ATRNL1: variants seen among roughly 807,000 people sequenced by gnomAD.
The protein encoded by ATRNL1 is attractin like 1, also known as attractin-like protein 1.
Under a neutral mutation model 182.7 loss-of-function variants are expected in ATRNL1, and 95 were observed. That is an observed-to-expected ratio of 0.52 (90% CI 0.44 to 0.62). ATRNL1 has a LOEUF of 0.62. ATRNL1 is among the 20% of genes least tolerant of loss of function. ATRNL1 has a pLI of 0.00. For synonymous variants in ATRNL1, 576 were observed against 568.3 expected, an observed-to-expected ratio of 1.01 and a Z score of -0.19; for missense variants, 1,471 against 1,679.5, an observed-to-expected ratio of 0.88 and a Z score of 2.17.
chr10:115,590,552 G>T (rs75523949), intron 26 of ATRNL1, among the ~76,000 whole-genome samples: 1 of 152,040 alleles, frequency 6.6e-6, no homozygotes, highest in Admixed American at 6.6e-5. Flanking sequence ...GAATATTAAT[G>T]AATATTAATA....
intron 10 of ATRNL1, among the ~76,000 whole-genome samples, chr10:115,243,907 CA>C (rs1850522658): frequency 6.6e-6 from 1 of 151,984 alleles, no homozygotes; most frequent in African/African-American, 2.4e-5. Flanking sequence ...AGGTAGTTCT[CA>C]AAAATGTTCT....
At chr10:115,344,615 G>T (rs544437790) in intron 19 of ATRNL1, among the ~76,000 whole-genome samples, 1 of 152,192 alleles carries the variant, frequency 6.6e-6, no homozygotes, top group Admixed American at 6.5e-5. Flanking sequence ...CCCACTTGGT[G>T]CTCCATCCAC....
chr10:115,270,325 TATTTG>T, intron 13 of ATRNL1, among the ~76,000 whole-genome samples: 1 of 103,642 alleles, frequency 9.6e-6, no homozygotes, highest in South Asian at 2.8e-4. Flanking sequence ...TATATAAATA[TATTTG>T]TTTATATATT....
chr10:115,669,747 G>A (rs949665449), intron 26 of ATRNL1, among the ~76,000 whole-genome samples: 23 of 152,074 alleles, frequency 1.5e-4, no homozygotes, highest in African/African-American at 5.6e-4. Flanking sequence ...CTAGTAGGGA[G>A]ATTTTGATTA....
chr10:115,944,556 T>C lies in ATRNL1; in HGVS notation c.4019-102T>C, dbSNP rs145021934. Reference sequence around the variant, plus strand: ...CTTCCATTAACAGCCAAACGTGTGATGACTAAATGAAAAGCAATAAAAAGC... The same window carrying C: ...CTTCCATTAACAGCCAAACGTGTGACGACTAAATGAAAAGCAATAAAAAGC... On this transcript the variant is annotated intron_variant, in intron 28 of 28. Coordinates refer to ENST00000355044, the MANE Select transcript of ATRNL1 (RefSeq NM_207303.4). 3.8e-5 allele frequency: 37 copies of C among 970,710 alleles called. 1 individual carries two copies. In the East Asian group the frequency reaches 9.5e-4, roughly 25 times the overall value. The allele number at this position is 970,710 out of a possible 1,614,324, so 60.1% of individuals were successfully genotyped here.
At chr10:115,344,257 A>G (rs1212828313) in intron 19 of ATRNL1, among the ~76,000 whole-genome samples, 2 of 152,156 alleles carry the variant, frequency 1.3e-5, no homozygotes, top group Non-Finnish European at 2.9e-5. Flanking sequence ...CAGAGGTGCT[A>G]TACAGGAGTT....
At chr10:115,096,545 C>G (rs917585122) in intron 1 of ATRNL1, 6 of 636,504 alleles carry the variant, frequency 9.4e-6, no homozygotes, top group Non-Finnish European at 1.2e-5. Context: ...AGGATAGCAA[C>G]CTTACAAACA....
At chr10:115,802,240 G>T (rs559761633) in intron 27 of ATRNL1, among the ~76,000 whole-genome samples, 3 of 152,164 alleles carry the variant, frequency 2.0e-5, no homozygotes, top group Admixed American at 6.5e-5. Context: ...AGCTGATTTT[G>T]TTGATATTCT....
chr10:115,816,095 A>G (rs1229672938), intron 27 of ATRNL1, among the ~76,000 whole-genome samples: 6 of 152,170 alleles, frequency 3.9e-5, no homozygotes, highest in Non-Finnish European at 5.9e-5. Flanking sequence ...ACAGTAGAAC[A>G]TAAGAAACAT....
intron 8 of ATRNL1, among the ~76,000 whole-genome samples, chr10:115,209,167 A>G (rs1419635209): frequency 1.3e-5 from 2 of 151,828 alleles, no homozygotes; most frequent in African/African-American, 4.8e-5. Context: ...CAGATGTTGG[A>G]TAACAAGCAG....
At chr10:115,587,231 G>A (rs759046985) in intron 26 of ATRNL1, among the ~76,000 whole-genome samples, 33 of 152,046 alleles carry the variant, frequency 2.2e-4, no homozygotes, top group South Asian at 6.2e-4. Context: ...TGCCCCCAGA[G>A]GTGGAGCCTA....
At chr10:115,536,753 G>A (rs536974626) in intron 25 of ATRNL1, among the ~76,000 whole-genome samples, 2 of 152,194 alleles carry the variant, frequency 1.3e-5, no homozygotes, top group Non-Finnish European at 2.9e-5. Context: ...CAGCCATCTT[G>A]GCTCCTCCCA....
At chr10:115,717,192 G>A (rs1593115559) in intron 26 of ATRNL1, among the ~76,000 whole-genome samples, 1 of 152,256 alleles carries the variant, frequency 6.6e-6, no homozygotes, top group East Asian at 1.9e-4. Context: ...TGCTGTTGCT[G>A]TTTTCTGAAT....
intron 28 of ATRNL1, among the ~76,000 whole-genome samples, chr10:115,931,175 A>T (rs1201092834): frequency 6.6e-6 from 1 of 152,196 alleles, no homozygotes; most frequent in Non-Finnish European, 1.5e-5. Context: ...AATGATAAAT[A>T]TATTTGCAAA....
chr10:115,430,851 A>C (rs1565035537), intron 21 of ATRNL1, among the ~76,000 whole-genome samples: 1 of 152,106 alleles, frequency 6.6e-6, no homozygotes, highest in Non-Finnish European at 1.5e-5. Context: ...GAGGCTAGGG[A>C]TGCTGGTAAA....
chr10:115,839,346 A>G (rs1950750768), intron 27 of ATRNL1, among the ~76,000 whole-genome samples: 1 of 152,152 alleles, frequency 6.6e-6, no homozygotes, highest in African/African-American at 2.4e-5. Context: ...ATCTCAGCAC[A>G]GCATTTGAAG....
chr10:115,694,911 T>TCA (rs371950891), intron 26 of ATRNL1, among the ~76,000 whole-genome samples: 4,791 of 131,642 alleles, frequency 0.036, 160 homozygotes, highest in East Asian at 0.22. Flanking sequence ...TGTTATAAAA[T>TCA]CACACACACA....
chr10:115,121,135 CAG>C (rs1249722565), intron 2 of ATRNL1, among the ~76,000 whole-genome samples: 1 of 151,310 alleles, frequency 6.6e-6, no homozygotes, highest in Non-Finnish European at 1.5e-5. Context: ...TTTTTTGAGA[CAG>C]AGCCTCACTC....
At chr10:115,484,779 G>A (rs1472618244) in intron 24 of ATRNL1, among the ~76,000 whole-genome samples, 4 of 151,892 alleles carry the variant, frequency 2.6e-5, no homozygotes, top group South Asian at 4.1e-4. Context: ...AAATCTTTCC[G>A]TTTTTAGACT....
Sources: gnomAD v4.1 joint callset for allele counts (sites outside exome capture counted in the v4.1 genomes callset) on GRCh38, gnomAD v4.1.1 for gene constraint, MANE v1.5 for transcripts, NCBI Gene and HGNC (gene_info 2026-07-23, HGNC 2026-07-21) for gene names.